CASP5: variants seen among roughly 807,000 people sequenced by gnomAD.
The protein encoded by CASP5 is caspase 5, also known as caspase-5.
Under a neutral mutation model 45.2 loss-of-function variants are expected in CASP5, and 42 were observed. That is an observed-to-expected ratio of 0.93 (90% confidence interval 0.73 to 1.20). The LOEUF is 1.20. Ranked by LOEUF, CASP5 falls within the 50% of genes most tolerant of loss-of-function variation. The pLI is 0.00. For synonymous variants in CASP5, 209 were observed against 186.2 expected, an observed-to-expected ratio of 1.12 and a Z score of -1.00; for missense variants, 512 against 532.2, an observed-to-expected ratio of 0.96 and a Z score of 0.37.
intron 3 of CASP5, among the ~76,000 whole-genome samples, chr11:105,005,352 A>G (rs1861950089): frequency 7.6e-6 from 1 of 131,918 alleles, no homozygotes; most frequent in Non-Finnish European, 1.6e-5. Context: ...GTGTGTATAT[A>G]TATATGTGTG....
At position 105,002,009 on chromosome 11, in the gene CASP5, A is replaced by G. The variant is rs369591260; in HGVS notation, c.717+19T>C. The G allele has an allele frequency of 3.5e-5, 56 of 1,610,450 alleles. No individual in the cohort carries two copies. The African/African-American group carries it at 6.7e-4, about 19-fold the overall frequency. ...TGTGTTGCCTATGGATGAGTGTGAGATGGCTTAGGGGTTCTTACCCTGGCT... is the reference window on the plus strand; with the variant it reads ...TGTGTTGCCTATGGATGAGTGTGAGGTGGCTTAGGGGTTCTTACCCTGGCT... On this transcript the variant is annotated intron_variant, in intron 5 of 9. Coordinates refer to ENST00000260315, the MANE Select transcript of CASP5 (RefSeq NM_004347.5).
At chr11:105,022,196 G>A (rs491135) in intron 1 of CASP5, among the ~76,000 whole-genome samples, 135,872 of 140,040 alleles carry the variant, frequency 0.97, 66,068 homozygotes, top group East Asian at 1. Context: ...GCATTGGGAG[G>A]TATACCTAAT....
At chr11:105,003,824 T>C (rs1223370990) in intron 3 of CASP5, among the ~76,000 whole-genome samples, 1 of 151,696 alleles carries the variant, frequency 6.6e-6, no homozygotes, top group Non-Finnish European at 1.5e-5. Context: ...ATATTAAATT[T>C]TCTAATATCA....
At chr11:105,004,959 T>C (rs750577300) in intron 3 of CASP5, among the ~76,000 whole-genome samples, 5 of 152,192 alleles carry the variant, frequency 3.3e-5, no homozygotes, top group Non-Finnish European at 7.3e-5. Context: ...TGTGTCTGTG[T>C]GTAGAACAGG....
At chr11:105,008,533 A>G (rs1862115622) in intron 2 of CASP5, among the ~76,000 whole-genome samples, 1 of 151,988 alleles carries the variant, frequency 6.6e-6, no homozygotes, top group Admixed American at 6.6e-5. Flanking sequence ...CAGAATCTAG[A>G]TTTAGGTTTG....
At chr11:104,998,774 C>T in intron 7 of CASP5, 111 bp downstream of exon 7, 1 of 1,040,296 alleles carries the variant, frequency 9.6e-7, no homozygotes, top group Non-Finnish European at 1.4e-6. Context: ...ATAGAGAGCA[C>T]ACACCATTCT....
intron 1 of CASP5, among the ~76,000 whole-genome samples, chr11:105,021,704 T>C (rs891855076): frequency 2.7e-5 from 4 of 146,918 alleles, no homozygotes; most frequent in Non-Finnish European, 6.0e-5. Flanking sequence ...ACTTTTACAC[T>C]GTTGGTGGGA....
intron 1 of CASP5, among the ~76,000 whole-genome samples, chr11:105,020,731 G>A (rs1447632738): frequency 6.6e-6 from 1 of 151,824 alleles, no homozygotes; most frequent in Non-Finnish European, 1.5e-5. Context: ...TGGCCATACT[G>A]CCCAAGATAA....
rs188311450 is a variant in CASP5 at position 105,001,468 on chromosome 11, C to T, written c.717+560G>A. 2.8e-3 allele frequency among the ~76,000 whole-genome samples: 433 copies of T among 152,254 alleles called. 1 individual carries two copies. Among genetic ancestry groups the T allele is most frequent in the Non-Finnish European group, 4.3e-3 (291 of 68,014 alleles). ...GATCACGAGGTCAGGAGATCGAGAC[C>T]ATCCTGGCTAACAAGGTGAAACCTC... On this transcript the variant is annotated intron_variant, in intron 5 of 9. Coordinates refer to ENST00000260315, the MANE Select transcript of CASP5 (RefSeq NM_004347.5).
chr11:105,017,445 A>G (rs1471403065), intron 1 of CASP5, among the ~76,000 whole-genome samples: 3 of 152,032 alleles, frequency 2.0e-5, no homozygotes, highest in Non-Finnish European at 4.4e-5. Context: ...AATAACCAAT[A>G]CAGAGAAGTG....
chr11:105,021,496 G>A (rs1021304489), intron 1 of CASP5, among the ~76,000 whole-genome samples: 47 of 150,612 alleles, frequency 3.1e-4, no homozygotes, highest in South Asian at 1.3e-3. Flanking sequence ...AAAAGTGGGC[G>A]AAGGACATGA....
intron 1 of CASP5, among the ~76,000 whole-genome samples, chr11:105,020,333 A>G (rs1862881178): frequency 6.6e-6 from 1 of 152,048 alleles, no homozygotes; most frequent in Non-Finnish European, 1.5e-5. Flanking sequence ...AAGAAAATAA[A>G]GGGTATTCAA....
chr11:105,003,433 A>G (rs1198937968), intron 3 of CASP5, 50 bp from the exon 4 acceptor site: 1 of 938,854 alleles, frequency 1.1e-6, no homozygotes, highest in Non-Finnish European at 1.7e-6. Context: ...CTGTGACCCA[A>G]TTTATCACCT....
chr11:105,000,636 C>T, intron 5 of CASP5, 141 bp from the exon 6 acceptor site: 4 of 731,736 alleles, frequency 5.5e-6, no homozygotes, highest in Non-Finnish European at 8.8e-6. Context: ...GTCATGACAG[C>T]AGTTTTATGT....
At chr11:105,013,704 G>A (rs1313662567) in intron 1 of CASP5, among the ~76,000 whole-genome samples, 2 of 151,968 alleles carry the variant, frequency 1.3e-5, no homozygotes, top group Non-Finnish European at 2.9e-5. Context: ...AAACCCATAC[G>A]TCCAAAAATG....
intron 1 of CASP5, among the ~76,000 whole-genome samples, chr11:105,021,141 C>T (rs1312249270): frequency 6.6e-6 from 1 of 151,734 alleles, no homozygotes; most frequent in Non-Finnish European, 1.5e-5. Flanking sequence ...TTCCTTACAC[C>T]TTATACAAAA....
intron 1 of CASP5, among the ~76,000 whole-genome samples, chr11:105,015,212 C>G (rs1051402907): frequency 6.6e-6 from 1 of 152,108 alleles, no homozygotes; most frequent in Non-Finnish European, 1.5e-5. Flanking sequence ...AGACATTAGA[C>G]CAAAAGAAAA....
chr11:104,994,277 G>T lies in CASP5; in HGVS notation c.*75C>A, dbSNP rs1204745909. 6.6e-6 allele frequency: 1 copy of T among 152,074 alleles called. No individual in the cohort carries two copies. The highest frequency in any genetic ancestry group is 2.4e-5 in the African/African-American group (1 of 41,382). The allele number at this position is 152,074 out of a possible 1,614,324, so 9.4% of individuals were successfully genotyped here. ...TACTTTTATTGAAATACCAAATATT[G>T]ACTATGCAAGCTATACTGGTAAATG... On this transcript the variant is annotated 3_prime_UTR_variant, in exon 10 of 10. Coordinates refer to ENST00000260315, the MANE Select transcript of CASP5 (RefSeq NM_004347.5).
intron 1 of CASP5, among the ~76,000 whole-genome samples, chr11:105,014,047 T>G (rs576800): frequency 0.66 from 100,688 of 151,912 alleles, 34,539 homozygotes; most frequent in Middle Eastern, 0.8. Context: ...TAAACCTTCT[T>G]TTTGTCCTTT....
Sources: allele counts gnomAD v4.1 joint callset (sites outside exome capture counted in the v4.1 genomes callset), GRCh38; gene constraint gnomAD v4.1.1; transcripts MANE v1.5; gene names NCBI Gene and HGNC (gene_info 2026-07-23, HGNC 2026-07-21).